The following PCDHGA10 variants were observed in gnomAD, a reference collection of about 807,000 sequenced individuals.
The protein encoded by PCDHGA10 is protocadherin gamma-A10.
A neutral mutation model predicts 59.5 loss-of-function variants in PCDHGA10; 42 were observed. The ratio of observed to expected loss-of-function variants is 0.71; its 90% CI spans 0.55 to 0.91. The LOEUF is 0.91. Among genes scored for constraint, PCDHGA10 ranks in the 40% least tolerant of loss-of-function variants. PCDHGA10 has a pLI of 0.00. For missense variants in PCDHGA10, 1,111 were observed against 1,198.2 expected (o/e 0.93, Z 1.07); for synonymous variants, 511 against 517.2 (o/e 0.99, Z 0.16).
intron 1 of PCDHGA10, among the ~76,000 whole-genome samples, chr5:141,468,754 T>C (rs1205525962): frequency 6.6e-6 from 1 of 152,036 alleles, no homozygotes; most frequent in Admixed American, 6.6e-5. Flanking sequence ...TAGTCCCAGC[T>C]ACTCGGGAGG....
chr5:141,486,843 A>G lies in PCDHGA10; in HGVS notation c.2437-7964A>G, dbSNP rs1455684942. On this transcript the variant is annotated intron_variant, in intron 1 of 3. Coordinates refer to ENST00000398610, the MANE Select transcript of PCDHGA10 (RefSeq NM_018913.3). The surrounding 1 kb of genome is among the most constrained non-coding windows in gnomAD (Gnocchi z 5.0). ...GTAACAGTTCGTCTATTTGTGCTGG[A>G]CCTCAATGACAATGCTCCAGCTGTG... 6.2e-7 allele frequency: 1 copy of G among 1,614,214 alleles called. No homozygotes were observed. Among genetic ancestry groups the G allele is most frequent in the Admixed American group, 1.7e-5 (1 of 60,034 alleles).
rs199877605 is a variant in PCDHGA10 at position 141,421,311 on chromosome 5, G to A, written c.2436+5700G>A. The A allele has an allele frequency of 9.5e-5, 154 of 1,613,788 alleles. No individual in the cohort carries two copies. The African/African-American group carries it at 1.9e-3, about 20-fold the overall frequency. On this transcript the variant is annotated intron_variant, in intron 1 of 3. Coordinates refer to ENST00000398610, the MANE Select transcript of PCDHGA10 (RefSeq NM_018913.3). ...TCCTGGGGACGCTGCGGGGGTTCCG[G>A]GCCAGGCAGATCCGATATTCGGTGC... is the stretch of plus-strand genomic sequence containing the variant.
chr5:141,421,216 T>G, intron 1 of PCDHGA10: 1 of 1,567,154 alleles, frequency 6.4e-7, no homozygotes, highest in Non-Finnish European at 8.6e-7. Flanking sequence ...GAATATCGGC[T>G]TAGAGCCTGC....
At chr5:141,481,822 G>A (rs1017311512) in intron 1 of PCDHGA10, among the ~76,000 whole-genome samples, 12 of 151,620 alleles carry the variant, frequency 7.9e-5, no homozygotes, top group Non-Finnish European at 1.5e-4. Context: ...CGTGGTGGCT[G>A]AGGCAGGAGA....
At chr5:141,492,237 C>G (rs2099738580) in intron 1 of PCDHGA10, among the ~76,000 whole-genome samples, 1 of 152,206 alleles carries the variant, frequency 6.6e-6, no homozygotes, top group Admixed American at 6.5e-5. Flanking sequence ...TCCCTGCTGG[C>G]CACCCCCACG....
In PCDHGA10 at chr5:141,455,253, C is replaced by A. The variant is rs187877877; in HGVS notation, c.2437-39554C>A. 2.8e-3 allele frequency among the ~76,000 whole-genome samples: 433 copies of A among 151,986 alleles called. 1 individual carries two copies. Among genetic ancestry groups the A allele is most frequent in the Admixed American group, 0.021 (319 of 15,266 alleles). ...AAAATGTTAAAGGTCATAGTACAAT[C>A]GCATTTCTTCCCATTGATTATTAAC... is the stretch of plus-strand genomic sequence containing the variant. On this transcript the variant is annotated intron_variant, in intron 1 of 3. Coordinates refer to ENST00000398610, the MANE Select transcript of PCDHGA10 (RefSeq NM_018913.3).
At chr5:141,460,733 C>T (rs988651750) in intron 1 of PCDHGA10, among the ~76,000 whole-genome samples, 2 of 150,844 alleles carry the variant, frequency 1.3e-5, no homozygotes, top group Non-Finnish European at 3.0e-5. Context: ...CATATATACA[C>T]ATTGTATATA....
chr5:141,427,547 T>C (rs747558888), intron 1 of PCDHGA10: 1 of 640,310 alleles, frequency 1.6e-6, no homozygotes, highest in South Asian at 1.5e-5. Flanking sequence ...TCACCATCAC[T>C]GCCACTGACA....
Position 141,413,357 on chromosome 5 carries a change from G to A in PCDHGA10, c.182G>A (p.Arg61Gln), listed in dbSNP as rs2095629700. ...TCCAAGGACTTGGGTCTGGCGCCCC[G>A]GGAGCTGGCGGAGCGCGGAGTCCGC... The part of the protein sequence containing the change: ...NISKDLGLAP[R>Q]ELAERGVRIV... The change falls in exon 1 of 4, where the codon CGG becomes CAG. Residue 61 changes from arginine (R) to glutamine (Q), a missense_variant. Arg to Gln is a conservative substitution (Grantham distance 43). Coordinates refer to ENST00000398610, the MANE Select transcript of PCDHGA10 (RefSeq NM_018913.3). 1.2e-6 allele frequency: 2 copies of A among 1,613,874 alleles called. No homozygotes were observed. The highest frequency in any genetic ancestry group is 1.1e-5 in the South Asian group (1 of 91,096).
chr5:141,502,864 G>GGCTTTTTT (rs2099816401), intron 2 of PCDHGA10, among the ~76,000 whole-genome samples: 1 of 61,572 alleles, frequency 1.6e-5, no homozygotes, highest in Non-Finnish European at 3.0e-5. Flanking sequence ...CTGACTCTCT[G>GGCTTTTTT]TCTTTTTTTT....
intron 2 of PCDHGA10, among the ~76,000 whole-genome samples, chr5:141,502,866 C>CTCTTTTTTT (rs1554188502): frequency 7.8e-6 from 1 of 128,046 alleles, no homozygotes; most frequent in African/African-American, 3.1e-5. Context: ...GACTCTCTGT[C>CTCTTTTTTT]TTTTTTTTTT....
rs1293684074 is a variant in PCDHGA10 at position 141,512,899 on chromosome 5, C to T, written c.*1726C>T. On this transcript the variant is annotated 3_prime_UTR_variant, in exon 4 of 4. Transcript: ENST00000398610. ...CCCACCCCACCCTCTTCCTGTGTCT[C>T]ACGCAAGTTTTATACTCTAATATTT... 1 of 152,260 alleles carries T rather than the reference C, an allele frequency of 6.6e-6. No homozygotes were observed. Among genetic ancestry groups the T allele is most frequent in the Non-Finnish European group, 1.5e-5 (1 of 68,064 alleles). 9.4% of individuals were successfully genotyped at this position (152,260 alleles called of 1,614,324 possible). A position where few individuals can be genotyped will look rare whatever the true frequency, so the allele number is the denominator to read the frequency against.
rs182682202 is a variant in PCDHGA10 at position 141,445,418 on chromosome 5, T to A, written c.2436+29807T>A. Among the ~76,000 whole-genome samples the A allele has an allele frequency of 2.2e-3, 335 of 152,310 alleles. 1 individual carries two copies. Among genetic ancestry groups the A allele is most frequent in the Middle Eastern group, 0.01 (3 of 294 alleles). Reference sequence around the variant, plus strand: ...ACAAATATTTATTAACTGTCTGCTATATGCAAGGCACTGACCTATGGACTA... The same window carrying A: ...ACAAATATTTATTAACTGTCTGCTAAATGCAAGGCACTGACCTATGGACTA... On this transcript the variant is annotated intron_variant, in intron 1 of 3. Transcript: ENST00000398610.
chr5:141,499,582 T>C (rs952280239), intron 2 of PCDHGA10, among the ~76,000 whole-genome samples: 7 of 152,164 alleles, frequency 4.6e-5, no homozygotes, highest in African/African-American at 7.2e-5. Flanking sequence ...TAATGCCTTA[T>C]CTTGTTTCAC....
In PCDHGA10 at chr5:141,477,279, C is replaced by T. The variant is rs2099408674; in HGVS notation, c.2437-17528C>T. ...GATGCTGGCGAGAACGGGCTGGTGA[C>T]CTGCGAAGTTCCACCGGGTCTCCCT... is the stretch of plus-strand genomic sequence containing the variant. On this transcript the variant is annotated intron_variant, in intron 1 of 3. Transcript: ENST00000398610. The surrounding 1 kb of genome is among the most constrained non-coding windows in gnomAD (Gnocchi z 4.9). 6.2e-7 allele frequency: 1 copy of T among 1,614,054 alleles called. No individual in the cohort carries two copies. Among genetic ancestry groups the T allele is most frequent in the Non-Finnish European group, 8.5e-7 (1 of 1,180,050 alleles).
At chr5:141,427,396 A>G (rs1303085720) in intron 1 of PCDHGA10, 1 of 460,578 alleles carries the variant, frequency 2.2e-6, no homozygotes, top group Non-Finnish European at 4.4e-6. Context: ...AAAACACATG[A>G]TAAAGATTCG....
In PCDHGA10 at chr5:141,476,254, T is replaced by C; in HGVS notation, c.2437-18553T>C. 1.2e-6 allele frequency: 2 copies of C among 1,613,820 alleles called. No individual in the cohort carries two copies. Among genetic ancestry groups the C allele is most frequent in the Non-Finnish European group, 8.5e-7 (1 of 1,179,976 alleles). On this transcript the variant is annotated intron_variant, in intron 1 of 3. Transcript: ENST00000398610. The surrounding 1 kb of genome is among the most constrained non-coding windows in gnomAD (Gnocchi z 7.6). ...CGGAGGAAAGAGAGAAGGGTTTCGCTGTGGGCAACGTGGTCGCGAACCTTG... is the reference window on the plus strand; with the variant it reads ...CGGAGGAAAGAGAGAAGGGTTTCGCCGTGGGCAACGTGGTCGCGAACCTTG...
chr5:141,415,740 GTTTTTTTTTTTTTTTTT>G (rs57426385), intron 1 of PCDHGA10, 129 bp downstream of exon 1: 62 of 625,030 alleles, frequency 9.9e-5, no homozygotes, highest in East Asian at 4.1e-4. Flanking sequence ...GTTTATTAAG[GTTTTTTTTTTTTTTTTT>G]TTTTTTTTTT....
chr5:141,423,154 C>A, intron 1 of PCDHGA10: 1 of 1,613,466 alleles, frequency 6.2e-7, no homozygotes, highest in South Asian at 1.1e-5. Flanking sequence ...CAAGCAGAGC[C>A]TCGTGGTGGC....
Sources: allele counts gnomAD v4.1 joint callset (sites outside exome capture counted in the v4.1 genomes callset), GRCh38; gene constraint gnomAD v4.1.1; non-coding constraint Gnocchi (gnomAD v3.1); transcripts MANE v1.5; gene names NCBI Gene and HGNC (gene_info 2026-07-23, HGNC 2026-07-21).